Variants in GABRA2 observed in about 807,000 individuals in gnomAD.
GABRA2 encodes the protein gamma-aminobutyric acid receptor subunit alpha-2.
GABRA2 carries 16 observed loss-of-function variants against 48.7 expected under a neutral mutation model. That is an observed-to-expected ratio of 0.33 (90% CI 0.22 to 0.50). The LOEUF is 0.50. Among genes scored for constraint, GABRA2 ranks in the 20% least tolerant of loss-of-function variants. The pLI, the probability that GABRA2 is intolerant of heterozygous loss-of-function variation, is 0.98. For synonymous variants in GABRA2, 185 were observed against 184.5 expected (o/e 1.00, Z -0.02); for missense variants, 275 against 535.6 (o/e 0.51, Z 4.80).
intron 8 of GABRA2, 105 bp downstream of exon 8, chr4:46,303,355 C>A: frequency 8.8e-7 from 1 of 1,133,864 alleles, no homozygotes; most frequent in Non-Finnish European, 1.3e-6. Context: ...ATACTCCCCG[C>A]CCCACCTACT....
Position 46,305,721 on chromosome 4 carries a change from A to G in GABRA2, c.560-10T>C, listed in dbSNP as rs369573087. On this transcript the variant is annotated splice_polypyrimidine_tract_variant and intron_variant, in intron 6 of 9. Transcript: ENST00000381620. Reference sequence around the variant, plus strand: ...GAAGTTGTATATGCATCTATAGGAAATCAGAAAAAATATTTTAAGCATTTT... The same window carrying G: ...GAAGTTGTATATGCATCTATAGGAAGTCAGAAAAAATATTTTAAGCATTTT... 6.3e-7 allele frequency: 1 copy of G among 1,590,788 alleles called. No homozygotes were observed. Among genetic ancestry groups the G allele is most frequent in the African/African-American group, 1.4e-5 (1 of 74,072 alleles).
chr4:46,300,850 C>A (rs1725615378), intron 8 of GABRA2, among the ~76,000 whole-genome samples: 2 of 151,998 alleles, frequency 1.3e-5, no homozygotes, highest in African/African-American at 4.8e-5. Context: ...TTTATACTGT[C>A]TTCTTTTAAA....
At chr4:46,354,527 T>G (rs1441687136) in intron 3 of GABRA2, among the ~76,000 whole-genome samples, 1 of 152,180 alleles carries the variant, frequency 6.6e-6, no homozygotes, top group African/African-American at 2.4e-5. Flanking sequence ...TCCTTTTCAT[T>G]CATCTCATCA....
chr4:46,279,954 T>C (rs1721208643), intron 8 of GABRA2, among the ~76,000 whole-genome samples: 2 of 152,136 alleles, frequency 1.3e-5, no homozygotes, highest in South Asian at 4.1e-4. Flanking sequence ...CGAATGGATT[T>C]TTTTTCTTAT....
chr4:46,252,312 A>G (rs1714934925), intron 9 of GABRA2, among the ~76,000 whole-genome samples: 1 of 151,528 alleles, frequency 6.6e-6, no homozygotes, highest in South Asian at 2.1e-4. Context: ...AATGATGCAT[A>G]TAGTTCCCAT....
intron 9 of GABRA2, chr4:46,261,152 A>C (rs2109347645): frequency 6.6e-6 from 1 of 152,178 alleles, no homozygotes; most frequent in Non-Finnish European, 1.5e-5. Flanking sequence ...GTATGAAAGG[A>C]AACAGCTGTT....
chr4:46,256,190 CT>C, intron 9 of GABRA2: 1 of 641,894 alleles, frequency 1.6e-6, no homozygotes, highest in Non-Finnish European at 2.8e-6. Context: ...AAAAGTGATA[CT>C]TACAGAAGAT....
intron 9 of GABRA2, 104 bp downstream of exon 9, chr4:46,261,821 AT>A: frequency 1.1e-6 from 1 of 925,506 alleles, no homozygotes; most frequent in East Asian, 2.5e-5. Flanking sequence ...TCAAATTCAT[AT>A]ATATATGGAT....
chr4:46,361,253 G>T (rs1713132424), intron 3 of GABRA2, among the ~76,000 whole-genome samples: 1 of 152,134 alleles, frequency 6.6e-6, no homozygotes, highest in African/African-American at 2.4e-5. Flanking sequence ...AGTTTTAGCA[G>T]GAAAAATGGG....
At chr4:46,266,784 T>C (rs1718336600) in intron 8 of GABRA2, among the ~76,000 whole-genome samples, 1 of 139,290 alleles carries the variant, frequency 7.2e-6, no homozygotes, top group African/African-American at 2.7e-5. Flanking sequence ...GGCAGTGACA[T>C]GGTCTCAGCT....
chr4:46,294,532 C>T (rs1415947646), intron 8 of GABRA2, among the ~76,000 whole-genome samples: 1 of 152,128 alleles, frequency 6.6e-6, no homozygotes, highest in Non-Finnish European at 1.5e-5. Context: ...GAGTGGCATC[C>T]AGAACAGAAG....
chr4:46,342,507 T>A (rs1733412448), intron 3 of GABRA2, among the ~76,000 whole-genome samples: 1 of 152,046 alleles, frequency 6.6e-6, no homozygotes, highest in South Asian at 2.1e-4. Flanking sequence ...TGTTACTTTG[T>A]TTCTTCTCTG....
In GABRA2 at chr4:46,254,746, G is replaced by A. The variant is rs139016506; in HGVS notation, c.1060-4142C>T. Among the ~76,000 whole-genome samples, 322 of 151,446 alleles carry A rather than the reference G, an allele frequency of 2.1e-3. 1 individual carries two copies. The highest frequency in any genetic ancestry group is 4.0e-3 in the Non-Finnish European group (270 of 67,656). On this transcript the variant is annotated intron_variant, in intron 9 of 9. Coordinates refer to ENST00000381620, the MANE Select transcript of GABRA2 (RefSeq NM_000807.4). ...TGAATGACTGATAAAATATCTCTCC[G>A]GAATTCTTAACCACTAAATTTCACT...
chr4:46,296,520 A>T (rs1027646734), intron 8 of GABRA2, among the ~76,000 whole-genome samples: 18 of 152,120 alleles, frequency 1.2e-4, no homozygotes, highest in Non-Finnish European at 2.1e-4. Flanking sequence ...CATGTAATAC[A>T]GCAGATCCAT....
At chr4:46,349,971 C>T (rs1256312718) in intron 3 of GABRA2, among the ~76,000 whole-genome samples, 1 of 151,708 alleles carries the variant, frequency 6.6e-6, no homozygotes, top group East Asian at 1.9e-4. Flanking sequence ...TCTTGAATTC[C>T]AAATGTGTGA....
rs16859345 is a variant in GABRA2, at chr4:46,370,549, T to G, written c.187+15525A>C. ...TGTATAAAGAATGTAGAGCAAGATTTAGAAACATAAACAGCTGAGAAATAT... is the reference window on the plus strand; with the variant it reads ...TGTATAAAGAATGTAGAGCAAGATTGAGAAACATAAACAGCTGAGAAATAT... On this transcript the variant is annotated intron_variant, in intron 3 of 9. Transcript: ENST00000381620. Among the ~76,000 whole-genome samples, 851 of 152,258 alleles carry G rather than the reference T, an allele frequency of 5.6e-3. 8 individuals are homozygous for G. The highest frequency in any genetic ancestry group is 0.018 in the African/African-American group (745 of 41,562).
At position 46,262,073 on chromosome 4, in the gene GABRA2, G is replaced by A; in HGVS notation, c.912C>T (p.Leu304=). The change falls in exon 9 of 10, where the codon CTC becomes CTT. Residue 304 remains leucine, a synonymous_variant. Coordinates refer to ENST00000381620, the MANE Select transcript of GABRA2 (RefSeq NM_000807.4). ...TGGCAGTTGCATAAGCCACTTTGGG[G>A]AGAGAATTCCGAGCACTGATGCTTA... The part of the protein sequence containing the change: ...TTLSISARNS[L]PKVAYATAMD... 6.2e-7 allele frequency: 1 copy of A among 1,613,738 alleles called. No individual in the cohort carries two copies. Among genetic ancestry groups the A allele is most frequent in the East Asian group, 2.2e-5 (1 of 44,798 alleles).
intron 8 of GABRA2, among the ~76,000 whole-genome samples, chr4:46,291,695 T>C (rs931560339): frequency 6.6e-6 from 1 of 151,810 alleles, no homozygotes; most frequent in African/African-American, 2.4e-5. Context: ...ACTGGCTTCA[T>C]TGCTCCTCAG....
chr4:46,252,718 T>TTATAATGTA (rs1235572982), intron 9 of GABRA2, among the ~76,000 whole-genome samples: 1 of 151,464 alleles, frequency 6.6e-6, no homozygotes, highest in African/African-American at 2.4e-5. Flanking sequence ...GCTTTTCAAC[T>TTATAATGTA]TATAATGTAT....
Sources: allele counts gnomAD v4.1 joint callset (sites outside exome capture counted in the v4.1 genomes callset), GRCh38; gene constraint gnomAD v4.1.1; transcripts MANE v1.5; gene names NCBI Gene and HGNC (gene_info 2026-07-23, HGNC 2026-07-21).